Variants in SASH1 observed in about 807,000 individuals in gnomAD.
SASH1 encodes SAM and SH3 domain containing 1.
Under a neutral mutation model 125.2 loss-of-function variants are expected in SASH1, and 44 were observed. That is an observed-to-expected ratio of 0.35 (90% confidence interval 0.28 to 0.45). The LOEUF (loss-of-function observed/expected upper bound fraction) is 0.45, where lower values mean the gene tolerates loss of function less well. SASH1 is among the 20% of genes least tolerant of loss of function. The pLI, the probability that SASH1 is intolerant of heterozygous loss-of-function variation, is 1.00. For missense variants in SASH1, 1,426 were observed against 1,614.5 expected, an observed-to-expected ratio of 0.88 and a Z score of 2.00; for synonymous variants, 639 against 649.1, an observed-to-expected ratio of 0.98 and a Z score of 0.24.
Position 148,471,386 on chromosome 6 carries a change from CTTTTTTT to C in SASH1, c.428-10_428-4del, listed in dbSNP as rs35487674. ...GAATTTATTGCTTGTGCTTTTTGTT[CTTTTTTT>C]TTTTTTTTTTTTTTTTTTTTAAGGA... On this transcript the variant is annotated intron_variant, in intron 5 of 19. Coordinates refer to ENST00000367467, the MANE Select transcript of SASH1 (RefSeq NM_015278.5). The C allele has an allele frequency of 2.4e-3, 1,189 of 502,632 alleles. 3 individuals are homozygous for C. The highest frequency in any genetic ancestry group is 0.011 in the African/African-American group (319 of 28,442). The allele number at this position is 502,632 out of a possible 1,614,324, so 31.1% of individuals were successfully genotyped here.
intron 1 of SASH1, among the ~76,000 whole-genome samples, chr6:148,347,068 A>G (rs1208877026): frequency 6.6e-6 from 1 of 152,136 alleles, no homozygotes. Flanking sequence ...TGTTTTTAAG[A>G]GCGGGAATTG....
chr6:148,331,261 G>A (rs981149239), intron 1 of SASH1, among the ~76,000 whole-genome samples: 32 of 152,160 alleles, frequency 2.1e-4, no homozygotes, highest in Admixed American at 2.0e-3. Flanking sequence ...TGAACCCGCT[G>A]TGTATAATAA....
chr6:148,422,561 G>A (rs1479917363), intron 2 of SASH1, among the ~76,000 whole-genome samples: 2 of 152,214 alleles, frequency 1.3e-5, no homozygotes, highest in African/African-American at 2.4e-5. Context: ...TATGTTTGCT[G>A]TAGTAACCAT....
At chr6:148,390,602 C>T (rs1003236484) in intron 2 of SASH1, among the ~76,000 whole-genome samples, 10 of 152,048 alleles carry the variant, frequency 6.6e-5, no homozygotes, top group Non-Finnish European at 1.2e-4. Flanking sequence ...CTCGCTAACA[C>T]GGTGAAACCC....
chr6:148,443,608 T>A (rs912472992), intron 4 of SASH1, among the ~76,000 whole-genome samples: 3 of 151,828 alleles, frequency 2.0e-5, no homozygotes, highest in African/African-American at 7.3e-5. Context: ...TCCATGATTC[T>A]TGCCTGAATC....
At chr6:148,467,302 G>T (rs1777890223) in intron 4 of SASH1, among the ~76,000 whole-genome samples, 1 of 151,936 alleles carries the variant, frequency 6.6e-6, no homozygotes, top group South Asian at 2.1e-4. Flanking sequence ...TTGCCATGTT[G>T]TCCAGTCTGG....
At chr6:148,282,907 A>G (rs1779380463) in intron 1 of SASH1, among the ~76,000 whole-genome samples, 1 of 152,134 alleles carries the variant, frequency 6.6e-6, no homozygotes. Context: ...ACTGAGCTGC[A>G]GCCACTGGTT....
In SASH1 at chr6:148,531,649, C is replaced by A; in HGVS notation, c.1552C>A (p.Gln518Lys). ...VESLRSSLSG[Q>K]SSMSGQTVST... ...AAGTCTTCGCAGTTCTCTCAGTGGG[C>A]AGAGCTCCATGAGTAAGTCGAGTTT... Residue 518 changes from glutamine (Q) to lysine (K), a missense_variant, in exon 13 of 20, where the codon CAG becomes AAG. Transcript: ENST00000367467. 1 of 1,543,548 alleles carries A rather than the reference C, an allele frequency of 6.5e-7. No individual in the cohort carries two copies. Among genetic ancestry groups the A allele is most frequent in the East Asian group, 2.4e-5 (1 of 41,242 alleles).
chr6:148,513,300 C>G, intron 8 of SASH1: 2 of 985,448 alleles, frequency 2.0e-6, no homozygotes, highest in Non-Finnish European at 2.4e-6. Flanking sequence ...AGGTTGTTGT[C>G]AGGGCGTGCG....
the SASH1 span, among the ~76,000 whole-genome samples, chr6:148,198,008 C>G: frequency 6.6e-6 from 1 of 152,176 alleles, no homozygotes; most frequent in Admixed American, 6.5e-5. Flanking sequence ...CAACACCACG[C>G]CTGGCTCATT....
intron 1 of SASH1, among the ~76,000 whole-genome samples, chr6:148,389,299 A>C (rs1408835730): frequency 6.6e-6 from 1 of 152,206 alleles, no homozygotes; most frequent in Non-Finnish European, 1.5e-5. Context: ...GCCTAAGGCC[A>C]CTTAACCAAT....
In SASH1 at chr6:148,354,780, C is replaced by T. The variant is rs116242172; in HGVS notation, c.156+11557C>T. Among the ~76,000 whole-genome samples the T allele has an allele frequency of 6.3e-3, 961 of 152,098 alleles. 16 individuals are homozygous for T. Among genetic ancestry groups the T allele is most frequent in the African/African-American group, 0.022 (901 of 41,504 alleles). Reference sequence around the variant, plus strand: ...TATTTTATTTTATTTTATTTTCCCGCGAGATGGAGTCTTGCTCTGTCACCC... The same window carrying T: ...TATTTTATTTTATTTTATTTTCCCGTGAGATGGAGTCTTGCTCTGTCACCC... On this transcript the variant is annotated intron_variant, in intron 1 of 19. Coordinates refer to ENST00000367467, the MANE Select transcript of SASH1 (RefSeq NM_015278.5).
chr6:148,350,454 G>A (rs1041278776), intron 1 of SASH1, among the ~76,000 whole-genome samples: 1 of 152,124 alleles, frequency 6.6e-6, no homozygotes, highest in Non-Finnish European at 1.5e-5. Context: ...TCTTTTAAAA[G>A]CTAATTGTAG....
At chr6:148,208,670 G>T in the SASH1 span, among the ~76,000 whole-genome samples, 2 of 152,078 alleles carry the variant, frequency 1.3e-5, no homozygotes, top group Admixed American at 1.3e-4. Flanking sequence ...GCTTTTTCTT[G>T]TTTTGTGAAT....
rs116118153 is a variant in SASH1, at chr6:148,527,760, C to T, written c.1428+164C>T. On this transcript the variant is annotated intron_variant, in intron 12 of 19. Coordinates refer to ENST00000367467, the MANE Select transcript of SASH1 (RefSeq NM_015278.5). Reference sequence around the variant, plus strand: ...GTAGAGAAACACTGAATTCAACACACGTTTATTAAGCACTTTGGGCTGCTC... The same window carrying T: ...GTAGAGAAACACTGAATTCAACACATGTTTATTAAGCACTTTGGGCTGCTC... Among the ~76,000 whole-genome samples the T allele has an allele frequency of 5.9e-5, 9 of 152,302 alleles. No individual in the cohort carries two copies. In the East Asian group the frequency reaches 9.6e-4, roughly 16 times the overall value.
the SASH1 span, among the ~76,000 whole-genome samples, chr6:148,231,480 C>A: frequency 6.6e-6 from 1 of 152,114 alleles, no homozygotes; most frequent in Admixed American, 6.6e-5. Flanking sequence ...TTTTCATGAT[C>A]AGCTTAGGAC....
chr6:148,453,400 G>C (rs969107296), intron 4 of SASH1, among the ~76,000 whole-genome samples: 11 of 152,332 alleles, frequency 7.2e-5, no homozygotes, highest in Middle Eastern at 3.4e-3. Flanking sequence ...CTACAGCTTA[G>C]TGCGTGCTCC....
At chr6:148,436,003 G>A (rs1562407779) in intron 2 of SASH1, among the ~76,000 whole-genome samples, 1 of 152,136 alleles carries the variant, frequency 6.6e-6, no homozygotes, top group African/African-American at 2.4e-5. Flanking sequence ...ATGAATAAAT[G>A]GTTGCACCCC....
At chr6:148,380,077 G>C (rs4897001) in intron 1 of SASH1, 28,166 of 434,008 alleles carry the variant, frequency 0.065, 1,262 homozygotes, top group East Asian at 0.14. Flanking sequence ...TTCAACCTTA[G>C]CTGTATAAAA....
Sources: gnomAD v4.1 joint callset for allele counts (sites outside exome capture counted in the v4.1 genomes callset) on GRCh38, gnomAD v4.1.1 for gene constraint, MANE v1.5 for transcripts, NCBI Gene and HGNC (gene_info 2026-07-23, HGNC 2026-07-21) for gene names.